Variants in GNAQ observed in about 807,000 individuals in gnomAD.
GNAQ encodes the protein G protein subunit alpha q.
In GNAQ, 8 loss-of-function variants were observed where a neutral mutation model predicts 43.9. That is an observed-to-expected ratio of 0.18 (90% CI 0.11 to 0.33). GNAQ has a LOEUF of 0.33. Among genes scored for constraint, GNAQ ranks in the 10% least tolerant of loss-of-function variants. GNAQ has a pLI of 1.00. For synonymous variants in GNAQ, 155 were observed against 170.7 expected (o/e 0.91, Z 0.71); for missense variants, 158 against 450.8 (o/e 0.35, Z 5.88).
At chr9:77,973,575 G>C (rs1564167273) in intron 1 of GNAQ, among the ~76,000 whole-genome samples, 1 of 152,184 alleles carries the variant, frequency 6.6e-6, no homozygotes, top group Admixed American at 6.5e-5. Flanking sequence ...CCAGCACTTT[G>C]GGAGGCCAAA....
chr9:77,765,613 G>A (rs1442215723), intron 5 of GNAQ, among the ~76,000 whole-genome samples: 2 of 152,206 alleles, frequency 1.3e-5, no homozygotes, highest in African/African-American at 4.8e-5. Flanking sequence ...GGAAATAAGT[G>A]TTGGCAAGGA....
chr9:77,881,506 G>A (rs987706104), intron 2 of GNAQ, among the ~76,000 whole-genome samples: 1 of 152,178 alleles, frequency 6.6e-6, no homozygotes, highest in Non-Finnish European at 1.5e-5. Context: ...AGCCCCCCGA[G>A]TAGCTGGGAC....
chr9:78,027,905 G>GA lies in GNAQ; in HGVS notation c.136+3194dup, dbSNP rs894086800. 2.6e-4 allele frequency among the ~76,000 whole-genome samples: 40 copies of GA among 151,972 alleles called. 1 individual carries two copies. The highest frequency in any genetic ancestry group is 9.7e-4 in the African/African-American group (40 of 41,438). ...GTGTAAAATAAGAACAGGTTAACAG[G>GA]AAAAAAATGTTTCTTCTAGGAACTG... On this transcript the variant is annotated intron_variant, in intron 1 of 6. Transcript: ENST00000286548.
chr9:77,948,588 G>A (rs980738212), intron 1 of GNAQ, among the ~76,000 whole-genome samples: 20 of 152,276 alleles, frequency 1.3e-4, no homozygotes, highest in African/African-American at 3.9e-4. Flanking sequence ...TTAACACAGC[G>A]TCCTAAGAAG....
At chr9:77,979,716 C>A (rs893991473) in intron 1 of GNAQ, among the ~76,000 whole-genome samples, 7 of 152,148 alleles carry the variant, frequency 4.6e-5, no homozygotes, top group Admixed American at 2.6e-4. Context: ...TACTAAGATA[C>A]TTTCACAAGC....
intron 5 of GNAQ, 68 bp from the exon 6 acceptor site, chr9:77,728,735 G>A (rs1825439970): frequency 3.5e-6 from 4 of 1,139,214 alleles, no homozygotes; most frequent in African/African-American, 1.5e-5. Context: ...TGTGAATTGT[G>A]TTTATTTTAT....
chr9:77,902,723 T>C lies in GNAQ; in HGVS notation c.321+19438A>G, dbSNP rs1468637949. 1.3e-5 allele frequency among the ~76,000 whole-genome samples: 2 copies of C among 152,232 alleles called. 1 individual carries two copies. The highest frequency in any genetic ancestry group is 2.9e-5 in the Non-Finnish European group (2 of 68,044). ...AGAAAAATGAACGCCAATTTGTTTT[T>C]GTACAAAACAGGATAAATTTGAATG... On this transcript the variant is annotated intron_variant, in intron 2 of 6. Coordinates refer to ENST00000286548, the MANE Select transcript of GNAQ (RefSeq NM_002072.5).
chr9:77,903,783 A>AG (rs1828654370), intron 2 of GNAQ, among the ~76,000 whole-genome samples: 1 of 152,008 alleles, frequency 6.6e-6, no homozygotes, highest in South Asian at 2.1e-4. Flanking sequence ...TTAAGTGGAG[A>AG]GAAAAAAAAT....
chr9:77,785,590 C>T (rs939350670), intron 5 of GNAQ, among the ~76,000 whole-genome samples: 2 of 152,120 alleles, frequency 1.3e-5, no homozygotes, highest in African/African-American at 4.8e-5. Context: ...CACTTTGTGA[C>T]AATTCATCAA....
At chr9:77,792,856 A>G (rs1237249688) in intron 5 of GNAQ, among the ~76,000 whole-genome samples, 2 of 152,136 alleles carry the variant, frequency 1.3e-5, no homozygotes, top group South Asian at 2.1e-4. Context: ...AAGAGAAATG[A>G]CAACCTACAT....
At position 77,718,975 on chromosome 9, in the gene GNAQ, T is replaced by C. The variant is rs565070888; in HGVS notation, c.*2348A>G. On this transcript the variant is annotated 3_prime_UTR_variant, in exon 7 of 7. Transcript: ENST00000286548. ...AAAAGTTCTACAAAGTTGGTTTCCA[T>C]GTTTGTATAAAAGCTCCGACTGATT... 2.2e-5 allele frequency: 5 copies of C among 232,368 alleles called. No individual in the cohort carries two copies. The highest frequency in any genetic ancestry group is 1.2e-4 in the East Asian group (2 of 16,424). The allele number at this position is 232,368 out of a possible 1,614,324, so 14.4% of individuals were successfully genotyped here. A position where few individuals can be genotyped will look rare whatever the true frequency, so the allele number is the denominator to read the frequency against.
chr9:77,880,560 T>G (rs1037320074), intron 2 of GNAQ, among the ~76,000 whole-genome samples: 41 of 149,852 alleles, frequency 2.7e-4, no homozygotes, highest in African/African-American at 3.8e-4. Flanking sequence ...TTTCTGTTTT[T>G]TTTTTTTTGT....
At chr9:77,809,712 T>G (rs1047693600) in intron 3 of GNAQ, among the ~76,000 whole-genome samples, 3 of 152,178 alleles carry the variant, frequency 2.0e-5, no homozygotes, top group African/African-American at 7.2e-5. Flanking sequence ...ACCTCTGTGG[T>G]TCTATCATTG....
rs1182621194 is a variant in GNAQ, at chr9:77,728,565, C to G, written c.838G>C (p.Glu280Gln). The G allele has an allele frequency of 2.5e-6, 4 of 1,602,844 alleles. No individual in the cohort carries two copies. The highest frequency in any genetic ancestry group is 8.5e-7 in the Non-Finnish European group (1 of 1,170,514). ...AGATGGGAATACATGATTTTCTCCT[C>G]TAGAAGATCTTTCTTGTTTAAGAAC... ...ILFLNKKDLLEEKIMYSHLVD... is the reference protein window; with the variant it reads ...ILFLNKKDLLQEKIMYSHLVD... The change falls in exon 6 of 7, where the codon GAG (glutamate) becomes CAG (glutamine). Residue 280 changes from glutamate (E) to glutamine (Q), a missense_variant. By Grantham distance (29) the Glu-to-Gln change is conservative. Around this residue, in one of 9 missense-constraint regions of GNAQ, gnomAD observed 56 missense variants for 172.2 expected, o/e 0.33. Transcript: ENST00000286548.
intron 2 of GNAQ, among the ~76,000 whole-genome samples, chr9:77,853,786 A>AC (rs1827708981): frequency 6.7e-6 from 1 of 150,186 alleles, no homozygotes; most frequent in Admixed American, 6.6e-5. Context: ...AAAAAAAAAA[A>AC]AAAAAAAAAA....
chr9:78,028,160 A>T (rs772053465), intron 1 of GNAQ, among the ~76,000 whole-genome samples: 2 of 152,256 alleles, frequency 1.3e-5, no homozygotes, highest in Non-Finnish European at 2.9e-5. Context: ...ATATCTACAT[A>T]GAATACAAAG....
At chr9:77,891,264 A>G (rs747113906) in intron 2 of GNAQ, among the ~76,000 whole-genome samples, 2 of 152,056 alleles carry the variant, frequency 1.3e-5, no homozygotes, top group Non-Finnish European at 2.9e-5. Flanking sequence ...GCCCTATCAC[A>G]CGTTCTCCTC....
chr9:78,018,414 T>C (rs1054361325), intron 1 of GNAQ, among the ~76,000 whole-genome samples: 2 of 152,176 alleles, frequency 1.3e-5, no homozygotes, highest in Non-Finnish European at 2.9e-5. Context: ...GATAAATTTA[T>C]GAATATTTTA....
intron 3 of GNAQ, among the ~76,000 whole-genome samples, chr9:77,803,422 G>A (rs2118477672): frequency 6.6e-6 from 1 of 152,188 alleles, no homozygotes; most frequent in East Asian, 1.9e-4. Context: ...AAACTGAGGA[G>A]GTGGGACTTT....
Sources: gnomAD v4.1 joint callset for allele counts (sites outside exome capture counted in the v4.1 genomes callset) on GRCh38, gnomAD v4.1.1 for gene constraint, gnomAD v4.1.1 regional missense constraint, MANE v1.5 for transcripts, NCBI Gene and HGNC (gene_info 2026-07-23, HGNC 2026-07-21) for gene names.